Variants in FAM110B observed in about 807,000 individuals in gnomAD.
The protein encoded by FAM110B is protein FAM110B.
FAM110B carries 6 observed loss-of-function variants against 20.4 expected under a neutral mutation model. That is an observed-to-expected ratio of 0.29 (90% CI 0.16 to 0.58). The LOEUF is 0.58. Among genes scored for constraint, FAM110B ranks in the 20% least tolerant of loss-of-function variants. The pLI is 0.90. For synonymous variants in FAM110B, 226 were observed against 214.1 expected, an observed-to-expected ratio of 1.06 and a Z score of -0.49; for missense variants, 434 against 498.2, an observed-to-expected ratio of 0.87 and a Z score of 1.23.
intron 1 of FAM110B, among the ~76,000 whole-genome samples, chr8:58,011,426 C>G (rs1222849274): frequency 1.3e-5 from 2 of 152,182 alleles, no homozygotes; most frequent in Non-Finnish European, 2.9e-5. Flanking sequence ...CTTTTAGAGA[C>G]TGCGCAGGAA....
intron 3 of FAM110B, among the ~76,000 whole-genome samples, chr8:58,129,416 G>A (rs962136621): frequency 2.6e-5 from 4 of 152,222 alleles, no homozygotes; most frequent in Non-Finnish European, 5.9e-5. Flanking sequence ...TTTTAGCACA[G>A]TTTATTGCAG....
chr8:58,076,229 G>C (rs1806033587), intron 3 of FAM110B, among the ~76,000 whole-genome samples: 1 of 152,172 alleles, frequency 6.6e-6, no homozygotes, highest in Non-Finnish European at 1.5e-5. Flanking sequence ...CAAAGTGTTG[G>C]GTTTACAGGC....
Position 58,146,715 on chromosome 8 carries a change from CCCTGAAGGTCTA to C in FAM110B, c.488_499del (p.Leu163_Tyr166del), listed in dbSNP as rs753974775. On this transcript the variant is annotated inframe_deletion, in exon 4 of 4. Coordinates refer to ENST00000519262, the MANE Select transcript of FAM110B (RefSeq NM_001377989.1). ...CTGCACCGTCACTCCTTCGCGGAGT[CCCTGAAGGTCTA>C]CCCCACGCAGGGCCGCAGGAGCCCG... The C allele has an allele frequency of 3.1e-6, 5 of 1,612,324 alleles. No homozygotes were observed. Among genetic ancestry groups the C allele is most frequent in the Admixed American group, 3.3e-5 (2 of 59,854 alleles).
At chr8:58,034,562 C>T (rs1312952804) in intron 2 of FAM110B, among the ~76,000 whole-genome samples, 1 of 152,156 alleles carries the variant, frequency 6.6e-6, no homozygotes, top group East Asian at 1.9e-4. Context: ...ATAGGTACAG[C>T]CCTGGGAAAG....
chr8:58,078,707 C>T (rs1430137112), intron 3 of FAM110B, among the ~76,000 whole-genome samples: 5 of 151,862 alleles, frequency 3.3e-5, no homozygotes, highest in African/African-American at 1.2e-4. Context: ...CCCGCCACCA[C>T]GCCCGGCTAA....
intron 3 of FAM110B, among the ~76,000 whole-genome samples, chr8:58,084,697 T>A (rs1806288334): frequency 6.6e-6 from 1 of 152,092 alleles, no homozygotes; most frequent in Non-Finnish European, 1.5e-5. Flanking sequence ...GAAATCTCCG[T>A]TTTTTAAACA....
At chr8:58,038,755 C>CAA (rs11420646) in intron 2 of FAM110B, among the ~76,000 whole-genome samples, 117 of 138,330 alleles carry the variant, frequency 8.5e-4, no homozygotes, top group African/African-American at 2.2e-3. Flanking sequence ...GACTCTGTCT[C>CAA]AAAAAAAAAA....
At chr8:58,050,270 T>C (rs1366769362) in intron 2 of FAM110B, among the ~76,000 whole-genome samples, 2 of 152,128 alleles carry the variant, frequency 1.3e-5, no homozygotes, top group African/African-American at 4.8e-5. Flanking sequence ...TGAGATACTT[T>C]TAGGATGTTA....
At position 58,031,701 on chromosome 8, in the gene FAM110B, A is replaced by G. The variant is rs1470292899; in HGVS notation, c.-416A>G. 1 of 152,230 alleles carries G rather than the reference A, an allele frequency of 6.6e-6. No homozygotes were observed. Among genetic ancestry groups the G allele is most frequent in the African/African-American group, 2.4e-5 (1 of 41,468 alleles). The allele number at this position is 152,230 out of a possible 1,614,324, so 9.4% of individuals were successfully genotyped here. On this transcript the variant is annotated splice_region_variant and 5_prime_UTR_variant, in exon 2 of 4. Transcript: ENST00000519262. The stretch of plus-strand genomic sequence containing the variant: ...TCTGTAAGTCCTGAAAAGGAAATAA[A>G]AGGTAATTACATTAAAAATTTATTA...
At chr8:58,004,425 T>C (rs1563494049) in intron 1 of FAM110B, among the ~76,000 whole-genome samples, 1 of 152,232 alleles carries the variant, frequency 6.6e-6, no homozygotes, top group South Asian at 2.1e-4. Flanking sequence ...TGCACTTCTA[T>C]GTTATGGAGA....
intron 2 of FAM110B, among the ~76,000 whole-genome samples, chr8:58,074,207 C>T: frequency 6.6e-6 from 1 of 152,206 alleles, no homozygotes; most frequent in Non-Finnish European, 1.5e-5. Flanking sequence ...GCTCTCTTAA[C>T]TCTAACTCTG....
At chr8:58,026,650 A>G (rs1804861088) in intron 1 of FAM110B, among the ~76,000 whole-genome samples, 1 of 152,198 alleles carries the variant, frequency 6.6e-6, no homozygotes, top group East Asian at 1.9e-4. Flanking sequence ...TGCAAGAAGT[A>G]TGGACACCAG....
intron 3 of FAM110B, among the ~76,000 whole-genome samples, chr8:58,126,082 T>C (rs1021690679): frequency 2.6e-5 from 4 of 152,224 alleles, no homozygotes; most frequent in African/African-American, 7.2e-5. Context: ...TGACTCCTCA[T>C]CCTTATCTCC....
At chr8:58,141,756 A>G (rs1803748788) in intron 3 of FAM110B, among the ~76,000 whole-genome samples, 1 of 152,236 alleles carries the variant, frequency 6.6e-6, no homozygotes. Context: ...GAGTTTGTGC[A>G]GAGCTCTGGA....
chr8:58,078,995 C>G (rs1806115093), intron 3 of FAM110B, among the ~76,000 whole-genome samples: 1 of 152,034 alleles, frequency 6.6e-6, no homozygotes. Flanking sequence ...TTTTTTCCAA[C>G]TCGGTGTTTC....
chr8:58,009,615 T>C (rs1343322940), intron 1 of FAM110B, among the ~76,000 whole-genome samples: 1 of 152,264 alleles, frequency 6.6e-6, no homozygotes, highest in East Asian at 1.9e-4. Flanking sequence ...TATTCTTTGA[T>C]TTAAAAATAT....
chr8:58,049,921 G>A (rs1039337201), intron 2 of FAM110B, among the ~76,000 whole-genome samples: 1 of 152,132 alleles, frequency 6.6e-6, no homozygotes, highest in Non-Finnish European at 1.5e-5. Flanking sequence ...AAAGGATCCT[G>A]TATACAGTAG....
At chr8:58,115,747 G>A (rs577551544) in intron 3 of FAM110B, among the ~76,000 whole-genome samples, 1 of 152,206 alleles carries the variant, frequency 6.6e-6, no homozygotes. Flanking sequence ...CATCGGTACT[G>A]TACAGCAGAT....
At chr8:58,083,677 C>T (rs1806259200) in intron 3 of FAM110B, among the ~76,000 whole-genome samples, 1 of 152,196 alleles carries the variant, frequency 6.6e-6, no homozygotes. Context: ...GCCACTCCCA[C>T]CATCCACGCC....
Sources: gnomAD v4.1 joint callset for allele counts (sites outside exome capture counted in the v4.1 genomes callset) on GRCh38, gnomAD v4.1.1 for gene constraint, MANE v1.5 for transcripts, NCBI Gene and HGNC (gene_info 2026-07-23, HGNC 2026-07-21) for gene names.